The following CACNA2D3 variants were observed in gnomAD, a reference collection of about 807,000 sequenced individuals.
CACNA2D3 encodes voltage-dependent calcium channel subunit alpha-2/delta-3.
CACNA2D3 carries 60 observed loss-of-function variants against 160.6 expected under a neutral mutation model. That is an observed-to-expected ratio of 0.37 (90% confidence interval 0.30 to 0.46). CACNA2D3 has a LOEUF of 0.46. Ranked by LOEUF, CACNA2D3 falls within the 20% of genes least tolerant of loss-of-function variation. The pLI is 1.00. For synonymous variants in CACNA2D3, 558 were observed against 492.9 expected, an observed-to-expected ratio of 1.13 and a Z score of -1.75; for missense variants, 1,205 against 1,365.0, an observed-to-expected ratio of 0.88 and a Z score of 1.85.
chr3:54,392,305 G>GA (rs10711492), intron 4 of CACNA2D3, among the ~76,000 whole-genome samples: 48 of 149,240 alleles, frequency 3.2e-4, no homozygotes, highest in Admixed American at 1.9e-3. Context: ...CAGTAAAGAA[G>GA]AAAAAAAAAA....
At chr3:55,054,578 A>G (rs1432274802) in intron 35 of CACNA2D3, among the ~76,000 whole-genome samples, 1 of 149,366 alleles carries the variant, frequency 6.7e-6, no homozygotes, top group Non-Finnish European at 1.5e-5. Context: ...TTTAATTAAT[A>G]TATAAATATA....
chr3:54,858,904 C>T (rs1421499539), intron 17 of CACNA2D3, among the ~76,000 whole-genome samples: 1 of 152,154 alleles, frequency 6.6e-6, no homozygotes, highest in Non-Finnish European at 1.5e-5. Flanking sequence ...AAAGACCTTC[C>T]ATCTGAATCC....
At position 54,941,528 on chromosome 3, in the gene CACNA2D3, T is replaced by C. The variant is rs546860016; in HGVS notation, c.2450-26922T>C. ...TCGTTTTTATAATGCCGGGATTATG[T>C]GGGTGAGCAGTAAATAAAATCTTAA... On this transcript the variant is annotated intron_variant, in intron 27 of 37. Transcript: ENST00000474759. 1.6e-3 allele frequency among the ~76,000 whole-genome samples: 244 copies of C among 152,286 alleles called. 1 individual carries two copies. Among genetic ancestry groups the C allele is most frequent in the African/African-American group, 5.6e-3 (233 of 41,564 alleles).
chr3:54,810,804 C>T (rs1018249499), intron 13 of CACNA2D3, among the ~76,000 whole-genome samples: 3 of 152,142 alleles, frequency 2.0e-5, no homozygotes, highest in African/African-American at 7.2e-5. Flanking sequence ...TTCAATCACC[C>T]CCATGGGTCT....
chr3:54,509,548 C>T (rs2106958246), intron 5 of CACNA2D3, among the ~76,000 whole-genome samples: 1 of 152,290 alleles, frequency 6.6e-6, no homozygotes, highest in Middle Eastern at 3.4e-3. Flanking sequence ...CACCAGAGCA[C>T]ATTGCTCTGG....
At chr3:54,353,988 T>A (rs1698607518) in intron 3 of CACNA2D3, among the ~76,000 whole-genome samples, 1 of 152,226 alleles carries the variant, frequency 6.6e-6, no homozygotes, top group African/African-American at 2.4e-5. Context: ...CTTCTTTGTG[T>A]AGCTTTGGCC....
intron 35 of CACNA2D3, among the ~76,000 whole-genome samples, chr3:55,071,098 G>A (rs1704793513): frequency 6.6e-6 from 1 of 152,026 alleles, no homozygotes; most frequent in Non-Finnish European, 1.5e-5. Flanking sequence ...TTTTTGGTAT[G>A]AACTCTTATT....
chr3:54,510,044 T>C (rs1701435528), intron 5 of CACNA2D3, among the ~76,000 whole-genome samples: 1 of 152,210 alleles, frequency 6.6e-6, no homozygotes, highest in Non-Finnish European at 1.5e-5. Context: ...ATGTTTAGCC[T>C]GGAAGTTGCA....
At chr3:54,914,255 GT>G (rs1445072168) in intron 27 of CACNA2D3, among the ~76,000 whole-genome samples, 1 of 152,056 alleles carries the variant, frequency 6.6e-6, no homozygotes, top group African/African-American at 2.4e-5. Context: ...CAGTTGATCA[GT>G]AATGGATACC....
chr3:54,784,550 G>A (rs1210426012), intron 13 of CACNA2D3, among the ~76,000 whole-genome samples: 2 of 151,998 alleles, frequency 1.3e-5, no homozygotes, highest in Non-Finnish European at 2.9e-5. Context: ...ACAATTATTT[G>A]CAAATGTTCA....
At chr3:54,680,055 C>T (rs1189008640) in intron 11 of CACNA2D3, among the ~76,000 whole-genome samples, 1 of 151,778 alleles carries the variant, frequency 6.6e-6, no homozygotes, top group African/African-American at 2.4e-5. Context: ...CCTATATGAA[C>T]AAAATATAAT....
intron 12 of CACNA2D3, among the ~76,000 whole-genome samples, chr3:54,757,848 C>T (rs1020035722): frequency 6.6e-6 from 1 of 152,174 alleles, no homozygotes; most frequent in African/African-American, 2.4e-5. Flanking sequence ...AGCCAGCAGG[C>T]GGTAGAGCTA....
At chr3:54,997,001 A>G (rs1019339459) in intron 31 of CACNA2D3, among the ~76,000 whole-genome samples, 1 of 152,024 alleles carries the variant, frequency 6.6e-6, no homozygotes, top group African/African-American at 2.4e-5. Flanking sequence ...GGAGGGGAAC[A>G]TCACACACCG....
At chr3:54,515,343 C>T (rs1199918708) in intron 5 of CACNA2D3, among the ~76,000 whole-genome samples, 1 of 152,164 alleles carries the variant, frequency 6.6e-6, no homozygotes, top group Non-Finnish European at 1.5e-5. Context: ...TTATGAGGAA[C>T]ATGTGCTGCT....
intron 9 of CACNA2D3, among the ~76,000 whole-genome samples, chr3:54,587,823 A>T (rs1702789428): frequency 6.6e-6 from 1 of 152,200 alleles, no homozygotes; most frequent in Admixed American, 6.5e-5. Context: ...TTGATAATTT[A>T]AAAGCACCCT....
At chr3:54,732,015 A>G (rs950850421) in intron 11 of CACNA2D3, among the ~76,000 whole-genome samples, 1 of 151,994 alleles carries the variant, frequency 6.6e-6, no homozygotes, top group Non-Finnish European at 1.5e-5. Context: ...ATCATCTTCA[A>G]ATGTTTGTGG....
chr3:54,279,585 G>A (rs1465178077), intron 2 of CACNA2D3, among the ~76,000 whole-genome samples: 2 of 152,172 alleles, frequency 1.3e-5, no homozygotes, highest in Non-Finnish European at 2.9e-5. Context: ...CAGGAAGGTT[G>A]GATTTTCAAG....
chr3:54,261,836 G>A (rs935570300), intron 2 of CACNA2D3, among the ~76,000 whole-genome samples: 5 of 152,164 alleles, frequency 3.3e-5, no homozygotes, highest in Non-Finnish European at 7.4e-5. Flanking sequence ...AGGACAATAT[G>A]CTAGAGTGTT....
chr3:54,145,749 T>C (rs1290715572), intron 2 of CACNA2D3, among the ~76,000 whole-genome samples: 1 of 152,230 alleles, frequency 6.6e-6, no homozygotes, highest in Non-Finnish European at 1.5e-5. Context: ...AACTTTTCAA[T>C]AGGGAGACCC....
Sources: gnomAD v4.1 joint callset for allele counts (sites outside exome capture counted in the v4.1 genomes callset) on GRCh38, gnomAD v4.1.1 for gene constraint, MANE v1.5 for transcripts, NCBI Gene and HGNC (gene_info 2026-07-23, HGNC 2026-07-21) for gene names.